The following CYP2C19 variants were observed in gnomAD, a reference collection of about 807,000 sequenced individuals.
CYP2C19 encodes cytochrome P450 family 2 subfamily C member 19, also known as cytochrome P450 2C19.
Under a neutral mutation model 40.9 loss-of-function variants are expected in CYP2C19, and 59 were observed. The ratio of observed to expected loss-of-function variants is 1.44; its 90% CI spans 1.17 to 1.79. CYP2C19 has a LOEUF of 1.79. CYP2C19 is among the 40% of genes most tolerant of loss of function. CYP2C19 has a pLI of 0.00. For synonymous variants in CYP2C19, 253 were observed against 208.7 expected (o/e 1.21, Z -1.83); for missense variants, 754 against 596.9 (o/e 1.26, Z -2.74).
At chr10:94,763,187 G>A (rs972530365) in intron 1 of CYP2C19, among the ~76,000 whole-genome samples, 1 of 152,130 alleles carries the variant, frequency 6.6e-6, no homozygotes, top group African/African-American at 2.4e-5. Context: ...TAAACAGTAA[G>A]GGAAGTGTTT....
At chr10:94,821,127 T>G (rs754420581) in intron 6 of CYP2C19, among the ~76,000 whole-genome samples, 5 of 151,898 alleles carry the variant, frequency 3.3e-5, no homozygotes, top group Admixed American at 6.6e-5. Flanking sequence ...AAAAAGGACA[T>G]CTTTGCACAG....
chr10:94,824,751 AC>A (rs1849187134), intron 6 of CYP2C19, among the ~76,000 whole-genome samples: 1 of 151,486 alleles, frequency 6.6e-6, no homozygotes, highest in Non-Finnish European at 1.5e-5. Flanking sequence ...GGTGCACGGC[AC>A]CCACTAACTC....
At chr10:94,810,529 C>T (rs1848904522) in intron 5 of CYP2C19, among the ~76,000 whole-genome samples, 1 of 150,706 alleles carries the variant, frequency 6.6e-6, no homozygotes, top group East Asian at 2.0e-4. Flanking sequence ...CTTTTTTTTG[C>T]TTGGTGGGCT....
chr10:94,833,193 A>G lies in CYP2C19; in HGVS notation c.962-9644A>G, dbSNP rs536686479. ...TAGGTTTTTCCTAGTATAAGGTTAT[A>G]TCATCTGCACACAAGGATATTTTGA... is the stretch of plus-strand genomic sequence containing the variant. On this transcript the variant is annotated intron_variant, in intron 6 of 8. Coordinates refer to ENST00000371321, the MANE Select transcript of CYP2C19 (RefSeq NM_000769.4). 9.2e-5 allele frequency among the ~76,000 whole-genome samples: 14 copies of G among 152,318 alleles called. No homozygotes were observed. In the South Asian group the frequency reaches 2.3e-3, roughly 25 times the overall value.
At chr10:94,816,056 A>G (rs1297865892) in intron 5 of CYP2C19, among the ~76,000 whole-genome samples, 1 of 152,074 alleles carries the variant, frequency 6.6e-6, no homozygotes, top group Non-Finnish European at 1.5e-5. Context: ...GAAAGAGGAA[A>G]TAGAAGAAGT....
chr10:94,836,678 C>T (rs1030180146), intron 6 of CYP2C19, among the ~76,000 whole-genome samples: 9 of 152,212 alleles, frequency 5.9e-5, no homozygotes, highest in South Asian at 4.1e-4. Context: ...AAGCTGGATA[C>T]GTTCCTCACT....
intron 6 of CYP2C19, among the ~76,000 whole-genome samples, chr10:94,841,201 G>A (rs1849490119): frequency 6.6e-6 from 1 of 152,210 alleles, no homozygotes; most frequent in African/African-American, 2.4e-5. Flanking sequence ...TGTGGGTCAT[G>A]GAAGAGAACC....
intron 1 of CYP2C19, among the ~76,000 whole-genome samples, chr10:94,770,311 G>A (rs1004586057): frequency 6.6e-6 from 1 of 152,136 alleles, no homozygotes; most frequent in Non-Finnish European, 1.5e-5. Context: ...CATGGGTGAG[G>A]GGGTGGCTTG....
rs1332939940 is a variant in CYP2C19, at chr10:94,853,537, A to G, written c.*623A>G. ...GAGGAATGGATATTAAATGTTCCAC[A>G]TTGGTGTTCCTTTTTTTTTTTTTTT... On this transcript the variant is annotated 3_prime_UTR_variant, in exon 9 of 9. Transcript: ENST00000371321. Among the ~76,000 whole-genome samples the G allele has an allele frequency of 3.0e-5, 4 of 133,450 alleles. No individual in the cohort carries two copies. The highest frequency in any genetic ancestry group is 4.6e-5 in the Non-Finnish European group (3 of 65,020). 87.5% of individuals were successfully genotyped at this position (133,450 alleles called of 152,430 possible).
At chr10:94,848,730 G>C (rs1305383791) in intron 7 of CYP2C19, among the ~76,000 whole-genome samples, 1 of 152,116 alleles carries the variant, frequency 6.6e-6, no homozygotes, top group Non-Finnish European at 1.5e-5. Context: ...TCTTCCATTT[G>C]TTTGTATCCT....
chr10:94,801,732 T>G (rs148858483), intron 5 of CYP2C19, among the ~76,000 whole-genome samples: 1 of 152,280 alleles, frequency 6.6e-6, no homozygotes, highest in Non-Finnish European at 1.5e-5. Context: ...TCTAAGTCTC[T>G]TTTTAGGTCT....
At chr10:94,803,266 C>T (rs186990741) in intron 5 of CYP2C19, among the ~76,000 whole-genome samples, 3 of 152,202 alleles carry the variant, frequency 2.0e-5, no homozygotes, top group Non-Finnish European at 4.4e-5. Context: ...TTTCCCTCTC[C>T]CTTCCAATGG....
chr10:94,790,090 T>A (rs766868880), intron 5 of CYP2C19, among the ~76,000 whole-genome samples: 14 of 152,086 alleles, frequency 9.2e-5, no homozygotes, highest in Non-Finnish European at 1.3e-4. Context: ...CTAGGTATTT[T>A]ATTCTCTTTG....
chr10:94,769,809 G>C (rs904441590), intron 1 of CYP2C19, among the ~76,000 whole-genome samples: 1 of 152,124 alleles, frequency 6.6e-6, no homozygotes, highest in African/African-American at 2.4e-5. Flanking sequence ...TCCTTCCAGT[G>C]CCCAGACTTC....
At chr10:94,842,810 C>T in intron 6 of CYP2C19, 27 bp from the exon 7 acceptor site, 1 of 1,611,996 alleles carries the variant, frequency 6.2e-7, no homozygotes, top group South Asian at 1.1e-5. Flanking sequence ...TCTCCTTTTC[C>T]ATCAGTTCTT....
chr10:94,774,584 TGC>T, intron 1 of CYP2C19: 2 of 177,394 alleles, frequency 1.1e-5, no homozygotes, highest in Admixed American at 5.5e-5. Flanking sequence ...CTATGATGCA[TGC>T]TAATCATAAA....
At chr10:94,818,559 A>G (rs11188086) in intron 5 of CYP2C19, among the ~76,000 whole-genome samples, 78 of 138,726 alleles carry the variant, frequency 5.6e-4, no homozygotes, top group Non-Finnish European at 9.2e-4. Context: ...ATCCTCTTTT[A>G]TTTCCTTGAG....
chr10:94,816,144 C>A (rs1331572055), intron 5 of CYP2C19, among the ~76,000 whole-genome samples: 1 of 151,342 alleles, frequency 6.6e-6, no homozygotes, highest in Non-Finnish European at 1.5e-5. Context: ...CAGAGTCTGA[C>A]AAATGGAATT....
In CYP2C19 at chr10:94,769,166, C is replaced by T. The variant is rs374021708; in HGVS notation, c.169-5892C>T. 4.1e-4 allele frequency among the ~76,000 whole-genome samples: 63 copies of T among 152,246 alleles called. No individual in the cohort carries two copies. In the East Asian group the frequency reaches 4.3e-3, roughly 10 times the overall value. ...GGCAAAGCTGGGCCTTTGACCTAGA[C>T]GCCTTGTACCCTTGATTAGCTACAA... On this transcript the variant is annotated intron_variant, in intron 1 of 8. Transcript: ENST00000371321.
Sources: gnomAD v4.1 joint callset for allele counts (sites outside exome capture counted in the v4.1 genomes callset) on GRCh38, gnomAD v4.1.1 for gene constraint, MANE v1.5 for transcripts, NCBI Gene and HGNC (gene_info 2026-07-23, HGNC 2026-07-21) for gene names.